The following MYO5A variants were observed in gnomAD, a reference collection of about 807,000 sequenced individuals.
MYO5A encodes unconventional myosin-Va.
MYO5A carries 98 observed loss-of-function variants against 249.7 expected under a neutral mutation model. The ratio of observed to expected loss-of-function variants is 0.39; its 90% confidence interval spans 0.33 to 0.46. The LOEUF (loss-of-function observed/expected upper bound fraction) is 0.46, where lower values mean the gene tolerates loss of function less well. MYO5A is among the 20% of genes least tolerant of loss of function. MYO5A has a pLI of 0.98. For missense variants in MYO5A, 1,696 were observed against 2,308.8 expected (o/e 0.73, Z 5.44); for synonymous variants, 778 against 810.6 (o/e 0.96, Z 0.68).
At chr15:52,506,115 G>A (rs1431565763) in intron 1 of MYO5A, among the ~76,000 whole-genome samples, 1 of 152,096 alleles carries the variant, frequency 6.6e-6, no homozygotes, top group Non-Finnish European at 1.5e-5. Context: ...ACTTTAGGAG[G>A]CCGAGGCAGG....
intron 1 of MYO5A, among the ~76,000 whole-genome samples, chr15:52,516,745 A>C (rs1235352566): frequency 1.3e-5 from 2 of 152,218 alleles, no homozygotes; most frequent in African/African-American, 2.4e-5. Flanking sequence ...CGGGTTCTCA[A>C]CTGTCCCCGA....
chr15:52,422,300 T>C (rs968893532), intron 4 of MYO5A, among the ~76,000 whole-genome samples: 4 of 152,214 alleles, frequency 2.6e-5, no homozygotes, highest in Non-Finnish European at 4.4e-5. Context: ...ATAGATCTGC[T>C]TGGAAAGAAT....
rs761973889 is a variant in MYO5A at position 52,379,653 on chromosome 15, C to T, written c.2180G>A (p.Cys727Tyr). 6.2e-7 allele frequency: 1 copy of T among 1,614,138 alleles called. No individual in the cohort carries two copies. The highest frequency in any genetic ancestry group is 8.5e-7 in the Non-Finnish European group (1 of 1,179,970). The part of the protein sequence containing the change: ...KDVLSDRKQT[C>Y]KNVLEKLILD... ...TATCAGTTTCTCTAACACATTCTTGCATGTTTGCTTTCTGTCACTCAGCAC... is the reference window on the plus strand; with the variant it reads ...TATCAGTTTCTCTAACACATTCTTGTATGTTTGCTTTCTGTCACTCAGCAC... The change falls in exon 18 of 42, where the codon TGC becomes TAC. Residue 727 changes from cysteine to tyrosine, a missense_variant. By Grantham distance (194) the Cys-to-Tyr change is radical (BLOSUM62 -2). Around this residue, in one of 5 missense-constraint regions of MYO5A, gnomAD observed 277 missense variants for 422.4 expected, o/e 0.66. Coordinates refer to ENST00000399233, the MANE Select transcript of MYO5A (RefSeq NM_001382347.1).
chr15:52,434,832 GA>G (rs142749615), intron 1 of MYO5A, among the ~76,000 whole-genome samples: 5,973 of 152,204 alleles, frequency 0.039, 317 homozygotes, highest in African/African-American at 0.13. Flanking sequence ...GCCAGCAAGG[GA>G]AAGACATGAC....
At chr15:52,426,032 T>A in intron 3 of MYO5A, 58 bp from the exon 4 acceptor site, 1 of 1,462,136 alleles carries the variant, frequency 6.8e-7, no homozygotes, top group Non-Finnish European at 9.5e-7. Flanking sequence ...CTAATGGGCA[T>A]ATCAAACTTA....
At chr15:52,396,278 T>C (rs1351267064) in intron 11 of MYO5A, 38 bp downstream of exon 11, 2 of 1,187,758 alleles carry the variant, frequency 1.7e-6, no homozygotes, top group Non-Finnish European at 2.5e-6. Context: ...AAGAGAATAA[T>C]TTATAGCAGA....
At chr15:52,379,996 C>G (rs879653536) in intron 16 of MYO5A, 88 bp from the exon 17 acceptor site, 2 of 1,303,550 alleles carry the variant, frequency 1.5e-6, no homozygotes, top group East Asian at 2.3e-5. Flanking sequence ...TAAATTCTTT[C>G]GTAAGAGCAA....
In MYO5A at chr15:52,308,734, GGGCAAGATATCCCTTCCA is replaced by G. The variant is rs1198454476; in HGVS notation, c.*4944_*4961del. 6.5e-6 allele frequency: 1 copy of G among 152,724 alleles called. No individual in the cohort carries two copies. Among genetic ancestry groups the G allele is most frequent in the Non-Finnish European group, 1.5e-5 (1 of 68,134 alleles). 9.5% of individuals were successfully genotyped at this position (152,724 alleles called of 1,614,324 possible). A position where few individuals can be genotyped will look rare whatever the true frequency, so the allele number is the denominator to read the frequency against. ...AACTCTCACAAAACCTTGAGAAACA[GGGCAAGATATCCCTTCCA>G]GGCAAGATATCCTTTACAGAAGAAA... On this transcript the variant is annotated 3_prime_UTR_variant, in exon 42 of 42. Coordinates refer to ENST00000399233, the MANE Select transcript of MYO5A (RefSeq NM_001382347.1).
intron 1 of MYO5A, among the ~76,000 whole-genome samples, chr15:52,446,676 T>C (rs1043508179): frequency 6.6e-6 from 1 of 152,124 alleles, no homozygotes; most frequent in Non-Finnish European, 1.5e-5. Flanking sequence ...CTCCAACCCA[T>C]AAGAACAGCC....
intron 1 of MYO5A, among the ~76,000 whole-genome samples, chr15:52,466,516 G>T (rs2076357054): frequency 6.6e-6 from 1 of 152,212 alleles, no homozygotes; most frequent in Non-Finnish European, 1.5e-5. Context: ...AGTTGAGATG[G>T]GGGCATGAAC....
At chr15:52,321,013 A>C (rs2038278914) in intron 38 of MYO5A, among the ~76,000 whole-genome samples, 2 of 136,814 alleles carry the variant, frequency 1.5e-5, no homozygotes, top group African/African-American at 3.0e-5. Context: ...ACTCTGTCTC[A>C]AAAAAAAAAA....
chr15:52,313,988 A>G, intron 41 of MYO5A, 135 bp downstream of exon 41: 1 of 1,317,052 alleles, frequency 7.6e-7, no homozygotes, highest in Non-Finnish European at 1.1e-6. Flanking sequence ...CATTTTCCCA[A>G]TTAACTATTA....
At chr15:52,352,055 T>C (rs2039981534) in intron 27 of MYO5A, among the ~76,000 whole-genome samples, 2 of 152,262 alleles carry the variant, frequency 1.3e-5, no homozygotes. Flanking sequence ...TAGTGTATTT[T>C]TCAAACTTCT....
chr15:52,361,493 A>G (rs2040523074), intron 24 of MYO5A, among the ~76,000 whole-genome samples: 1 of 152,208 alleles, frequency 6.6e-6, no homozygotes, highest in South Asian at 2.1e-4. Flanking sequence ...GATACAGGGC[A>G]GTGATTAAGT....
At chr15:52,492,995 G>A (rs906210503) in intron 1 of MYO5A, among the ~76,000 whole-genome samples, 3 of 152,200 alleles carry the variant, frequency 2.0e-5, no homozygotes, top group Non-Finnish European at 4.4e-5. Context: ...TGGTGGGGAT[G>A]AGAATCAGAA....
rs10162879 is a variant in MYO5A, at chr15:52,520,592, G to C, written c.27+8188C>G. Among the ~76,000 whole-genome samples the C allele has an allele frequency of 3.4e-3, 516 of 152,298 alleles. 5 individuals are homozygous for C. Among genetic ancestry groups the C allele is most frequent in the African/African-American group, 0.012 (506 of 41,548 alleles). ...ATTCCAGCCATGCCTAGATTTTTAAGTCACATGAGCAAATAAACTCCTCTT... is the reference window on the plus strand; with the variant it reads ...ATTCCAGCCATGCCTAGATTTTTAACTCACATGAGCAAATAAACTCCTCTT... On this transcript the variant is annotated intron_variant, in intron 1 of 41. Coordinates refer to ENST00000399233, the MANE Select transcript of MYO5A (RefSeq NM_001382347.1).
chr15:52,327,182 T>C lies in MYO5A; in HGVS notation c.4710+670A>G, dbSNP rs190995031. 2.0e-5 allele frequency among the ~76,000 whole-genome samples: 3 copies of C among 152,344 alleles called. No homozygotes were observed. In the East Asian group the frequency reaches 5.8e-4, roughly 29 times the overall value. ...AGCCATATCTTAAACTTATTTAACA[T>C]CTATTTTAATTTCAGCATCACGTTC... On this transcript the variant is annotated intron_variant, in intron 36 of 41. Coordinates refer to ENST00000399233, the MANE Select transcript of MYO5A (RefSeq NM_001382347.1).
At chr15:52,364,741 C>G in intron 23 of MYO5A, 39 bp from the exon 24 acceptor site, 1 of 1,608,492 alleles carries the variant, frequency 6.2e-7, no homozygotes, top group Non-Finnish European at 8.5e-7. Flanking sequence ...AAAGATGGCC[C>G]CTTGAGAATG....
intron 7 of MYO5A, 29 bp downstream of exon 7, chr15:52,408,030 G>C (rs1316022980): frequency 7.2e-7 from 1 of 1,390,928 alleles, no homozygotes. Context: ...AACAATACCA[G>C]AACAATAAAT....
Sources: gnomAD v4.1 joint callset for allele counts (sites outside exome capture counted in the v4.1 genomes callset) on GRCh38, gnomAD v4.1.1 for gene constraint, gnomAD v4.1.1 regional missense constraint, MANE v1.5 for transcripts, NCBI Gene and HGNC (gene_info 2026-07-23, HGNC 2026-07-21) for gene names.